The following LPCAT2 variants were observed in gnomAD, a reference collection of about 807,000 sequenced individuals.
LPCAT2 encodes lysophosphatidylcholine acyltransferase 2.
LPCAT2 carries 58 observed loss-of-function variants against 64.7 expected under a neutral mutation model. That is an observed-to-expected ratio of 0.90 (90% CI 0.73 to 1.12). LPCAT2 has a LOEUF of 1.12. Among genes scored for constraint, LPCAT2 ranks in the 50% most tolerant of loss-of-function variants. LPCAT2 has a pLI of 0.00. For synonymous variants in LPCAT2, 252 were observed against 245.3 expected, an observed-to-expected ratio of 1.03 and a Z score of -0.26; for missense variants, 579 against 669.8, an observed-to-expected ratio of 0.86 and a Z score of 1.50.
chr16:55,527,487 A>C (rs2142377894), intron 2 of LPCAT2, among the ~76,000 whole-genome samples: 1 of 151,918 alleles, frequency 6.6e-6, no homozygotes, highest in South Asian at 2.1e-4. Flanking sequence ...CTCAAAAAAA[A>C]AAAAAAAAAA....
chr16:55,512,690 G>C (rs1053626406), intron 1 of LPCAT2, among the ~76,000 whole-genome samples: 2 of 152,200 alleles, frequency 1.3e-5, no homozygotes, highest in Non-Finnish European at 2.9e-5. Context: ...GACTCTGGAG[G>C]AAAGTAACAG....
In LPCAT2 at chr16:55,551,009, A is replaced by G. The variant is rs1035140232; in HGVS notation, c.1122A>G (p.Ser374=). The change falls in exon 11 of 14, where the codon TCA becomes TCG. Residue 374 remains serine, a synonymous_variant. Coordinates refer to ENST00000262134, the MANE Select transcript of LPCAT2 (RefSeq NM_017839.5). ...AATATGCATCTATTGCGAGTTCCTC[A>G]AAAGGAGGAAGAATTGGAATTGAAG... is the stretch of plus-strand genomic sequence containing the variant. ...LDEYASIASS[S]KGGRIGIEEF... is the part of the protein sequence containing the mutation. 1 of 1,612,724 alleles carries G rather than the reference A, an allele frequency of 6.2e-7. No individual in the cohort carries two copies. The highest frequency in any genetic ancestry group is 1.3e-5 in the African/African-American group (1 of 75,024).
chr16:55,561,426 G>T (rs557525392), intron 11 of LPCAT2, among the ~76,000 whole-genome samples: 3 of 146,352 alleles, frequency 2.0e-5, no homozygotes, highest in South Asian at 2.1e-4. Context: ...AGCAATTAAG[G>T]TTGCTATTAA....
At chr16:55,524,784 G>A (rs1963145442) in intron 1 of LPCAT2, among the ~76,000 whole-genome samples, 1 of 151,958 alleles carries the variant, frequency 6.6e-6, no homozygotes, top group Non-Finnish European at 1.5e-5. Flanking sequence ...ACCAAACTAA[G>A]TTCAAATCCT....
intron 2 of LPCAT2, among the ~76,000 whole-genome samples, chr16:55,526,841 A>G (rs918889957): frequency 2.6e-5 from 4 of 152,362 alleles, no homozygotes; most frequent in South Asian, 2.1e-4. Context: ...TTTGTCAATT[A>G]AACTAGTATC....
intron 11 of LPCAT2, among the ~76,000 whole-genome samples, chr16:55,557,926 A>T (rs1360618202): frequency 6.6e-6 from 1 of 152,218 alleles, no homozygotes; most frequent in Non-Finnish European, 1.5e-5. Flanking sequence ...TGAAGGCCCA[A>T]CAAAAATGTG....
chr16:55,576,908 T>C (rs1280485972), intron 12 of LPCAT2, among the ~76,000 whole-genome samples: 3 of 152,088 alleles, frequency 2.0e-5, no homozygotes, highest in Admixed American at 6.6e-5. Context: ...GTATGGACCA[T>C]GTAAAAGGAG....
At chr16:55,520,070 A>G (rs984509769) in intron 1 of LPCAT2, among the ~76,000 whole-genome samples, 17 of 152,204 alleles carry the variant, frequency 1.1e-4, no homozygotes, top group Non-Finnish European at 2.1e-4. Flanking sequence ...TACATTTAGT[A>G]TACATTAATT....
chr16:55,543,848 C>A (rs1280462728), intron 8 of LPCAT2, among the ~76,000 whole-genome samples: 4 of 152,218 alleles, frequency 2.6e-5, no homozygotes, highest in South Asian at 2.1e-4. Context: ...TCTCAAGCAG[C>A]AACCCAGTCC....
chr16:55,553,148 GA>G (rs1161961335), intron 11 of LPCAT2, among the ~76,000 whole-genome samples: 2 of 152,156 alleles, frequency 1.3e-5, no homozygotes. Flanking sequence ...TGAGGCAGGA[GA>G]ATTGCTTGAG....
At chr16:55,527,657 A>G (rs1963190506) in intron 2 of LPCAT2, among the ~76,000 whole-genome samples, 1 of 152,094 alleles carries the variant, frequency 6.6e-6, no homozygotes, top group Non-Finnish European at 1.5e-5. Context: ...TGTGTCTGGC[A>G]TAGTTCCTGA....
At chr16:55,555,030 A>G (rs1963558906) in intron 11 of LPCAT2, among the ~76,000 whole-genome samples, 1 of 152,214 alleles carries the variant, frequency 6.6e-6, no homozygotes, top group Admixed American at 6.5e-5. Context: ...CAAATTATAG[A>G]TCACCATAGC....
intron 12 of LPCAT2, among the ~76,000 whole-genome samples, chr16:55,578,244 C>A (rs1262117869): frequency 6.6e-6 from 1 of 152,170 alleles, no homozygotes; most frequent in Non-Finnish European, 1.5e-5. Context: ...TCCATTCTTA[C>A]CCAAATTCGT....
chr16:55,512,424 C>T (rs1459279756), intron 1 of LPCAT2, among the ~76,000 whole-genome samples: 2 of 152,014 alleles, frequency 1.3e-5, no homozygotes, highest in African/African-American at 4.8e-5. Flanking sequence ...TACTGTGTAA[C>T]ATTACCCCAG....
chr16:55,579,725 T>A (rs1242689728), intron 13 of LPCAT2, among the ~76,000 whole-genome samples: 3 of 152,186 alleles, frequency 2.0e-5, no homozygotes, highest in African/African-American at 7.2e-5. Context: ...GAACATGGAC[T>A]GAGGCACCAA....
chr16:55,570,765 A>G (rs1017960122), intron 11 of LPCAT2, among the ~76,000 whole-genome samples: 1 of 152,228 alleles, frequency 6.6e-6, no homozygotes, highest in African/African-American at 2.4e-5. Flanking sequence ...TAAGTATATT[A>G]AAACAATTTT....
At chr16:55,531,069 G>T (rs144831884) in intron 4 of LPCAT2, among the ~76,000 whole-genome samples, 3 of 151,964 alleles carry the variant, frequency 2.0e-5, no homozygotes, top group African/African-American at 2.4e-5. Context: ...ATTGTATCCC[G>T]TTGTCATAGG....
At chr16:55,530,028 A>G in intron 4 of LPCAT2, 81 bp downstream of exon 4, 1 of 987,138 alleles carries the variant, frequency 1.0e-6, no homozygotes. Context: ...TTGGATCCAC[A>G]GATAGCAATA....
In LPCAT2 at chr16:55,509,344, C is replaced by G; in HGVS notation, c.163C>G (p.Arg55Gly). ...VQQTQIGSAR[R>G]VQIVLLGIIL... ...GCAGACGCAGATCGGCTCCGCGAGG[C>G]GGGTCCAGGTGAGGGGCGTGGGTCT... The change falls in exon 1 of 14, where the codon CGG becomes GGG. Residue 55 changes from arginine to glycine, a missense_variant. By Grantham distance (125) the Arg-to-Gly change is moderately radical. Coordinates refer to ENST00000262134, the MANE Select transcript of LPCAT2 (RefSeq NM_017839.5). The G allele has an allele frequency of 7.1e-7, 1 of 1,415,736 alleles. No homozygotes were observed. The highest frequency in any genetic ancestry group is 9.3e-7 in the Non-Finnish European group (1 of 1,073,866). The allele number at this position is 1,415,736 out of a possible 1,614,324, so 87.7% of individuals were successfully genotyped here.
Sources: gnomAD v4.1 joint callset for allele counts (sites outside exome capture counted in the v4.1 genomes callset) on GRCh38, gnomAD v4.1.1 for gene constraint, MANE v1.5 for transcripts, NCBI Gene and HGNC (gene_info 2026-07-23, HGNC 2026-07-21) for gene names.